Variants in DMD observed in about 807,000 individuals in gnomAD.
DMD encodes the protein mutant dystrophin.
A neutral mutation model predicts 330.1 loss-of-function variants in DMD; 63 were observed. The observed-to-expected ratio is 0.19, with a 90% confidence interval of 0.16 to 0.24. The LOEUF is 0.24. Ranked by LOEUF, DMD falls within the 10% of genes least tolerant of loss-of-function variation. The pLI is 1.00. For synonymous variants in DMD, 1,223 were observed against 959.8 expected (o/e 1.27, Z -5.07); for missense variants, 3,344 against 2,684.1 (o/e 1.25, Z -5.43).
intron 1 of DMD, among the ~76,000 whole-genome samples, chrX:33,313,343 C>G (rs1456741921): frequency 1.8e-5 from 2 of 111,656 alleles, no homozygotes; most frequent in African/African-American, 6.5e-5. Flanking sequence ...GTACAGAAAA[C>G]TAAATTACAG....
chrX:31,447,728 G>A (rs1217412238), intron 59 of DMD, among the ~76,000 whole-genome samples: 1 of 111,071 alleles, frequency 9.0e-6, no homozygotes, highest in Non-Finnish European at 1.9e-5. Flanking sequence ...ACCAGGTGGG[G>A]TGGCTCAAGA....
At chrX:31,537,769 C>T (rs2073511862) in intron 55 of DMD, among the ~76,000 whole-genome samples, 1 of 111,636 alleles carries the variant, frequency 9.0e-6, no homozygotes. Context: ...GTAAGGCTTC[C>T]TTGGGAAAGC....
chrX:31,981,821 C>T (rs2095477777), intron 44 of DMD, among the ~76,000 whole-genome samples: 1 of 111,885 alleles, frequency 8.9e-6, no homozygotes, highest in Non-Finnish European at 1.9e-5. Flanking sequence ...AAATCTCTGG[C>T]CCTGGACCAA....
At chrX:32,913,271 T>C (rs2087463390) in intron 2 of DMD, among the ~76,000 whole-genome samples, 1 of 112,285 alleles carries the variant, frequency 8.9e-6, no homozygotes, top group African/African-American at 3.2e-5. Context: ...CGAAGGGCTC[T>C]ATTATAGTTA....
chrX:32,025,994 G>C (rs1302815834), intron 44 of DMD, among the ~76,000 whole-genome samples: 1 of 112,111 alleles, frequency 8.9e-6, no homozygotes, highest in African/African-American at 3.2e-5. Context: ...TGAATGAAGT[G>C]TATAATTTCT....
intron 4 of DMD, among the ~76,000 whole-genome samples, chrX:32,823,641 A>G (rs112964704): frequency 5.4e-5 from 6 of 112,055 alleles, no homozygotes; most frequent in African/African-American, 1.9e-4. Flanking sequence ...CAACTGGAGT[A>G]TCTCCAAATA....
At chrX:32,677,079 AC>A (rs1448407276) in intron 9 of DMD, among the ~76,000 whole-genome samples, 1 of 111,465 alleles carries the variant, frequency 9.0e-6, no homozygotes, top group Non-Finnish European at 1.9e-5. Flanking sequence ...AATTTCACTG[AC>A]AAATGAAAAT....
chrX:32,287,331 C>G (rs2097446297), intron 43 of DMD, among the ~76,000 whole-genome samples, 198 bp downstream of exon 43: 1 of 111,718 alleles, frequency 9.0e-6, no homozygotes, highest in African/African-American at 3.3e-5. Context: ...AAATTTAATA[C>G]TGAATAATTT....
intron 44 of DMD, among the ~76,000 whole-genome samples, chrX:32,176,431 T>C (rs1160264121): frequency 1.8e-5 from 2 of 111,931 alleles, no homozygotes; most frequent in African/African-American, 3.2e-5. Flanking sequence ...GTGTTAAGCA[T>C]GAACCTAAAT....
At chrX:31,965,426 ATT>A (rs2150170944) in intron 45 of DMD, among the ~76,000 whole-genome samples, 1 of 111,879 alleles carries the variant, frequency 8.9e-6, no homozygotes, top group Non-Finnish European at 1.9e-5. Flanking sequence ...CATAAATGAT[ATT>A]TTGATATATT....
rs147650167 is a variant in DMD, at chrX:32,979,897, G to A, written c.93+40242C>T. Among the ~76,000 whole-genome samples the A allele has an allele frequency of 4.9e-3, 541 of 111,267 alleles. 7 individuals are homozygous for A. The East Asian group carries it at 0.055, about 11-fold the overall frequency. On this transcript the variant is annotated intron_variant, in intron 2 of 78. Coordinates refer to ENST00000357033, the MANE Select transcript of DMD (RefSeq NM_004006.3). ...ATTTTAAAAGAAAATCAGTATCACC[G>A]TAATTTAGGGAGGGAGGTTGGAGAG...
chrX:31,655,502 G>A (rs73617094), intron 54 of DMD, among the ~76,000 whole-genome samples: 2,139 of 111,151 alleles, frequency 0.019, 61 homozygotes, highest in African/African-American at 0.066. Flanking sequence ...AGAAGAACAA[G>A]AATTTTGGGG....
intron 45 of DMD, among the ~76,000 whole-genome samples, chrX:31,941,174 A>T (rs2094994839): frequency 8.9e-6 from 1 of 111,829 alleles, no homozygotes; most frequent in African/African-American, 3.3e-5. Context: ...CATCTGTCAG[A>T]GGCAGAGTTA....
chrX:32,609,371 G>C (rs1490727189), intron 12 of DMD, among the ~76,000 whole-genome samples: 50 of 110,844 alleles, frequency 4.5e-4, no homozygotes, highest in Non-Finnish European at 1.9e-5. Flanking sequence ...GTTACTCATA[G>C]AACTACTACT....
intron 59 of DMD, among the ~76,000 whole-genome samples, chrX:31,476,308 ATATC>A (rs2067736649): frequency 9.5e-6 from 1 of 105,252 alleles, no homozygotes; most frequent in African/African-American, 3.4e-5. Flanking sequence ...AGATATATCT[ATATC>A]TATATCTATG....
chrX:32,762,499 A>G, intron 7 of DMD, among the ~76,000 whole-genome samples: 1 of 111,551 alleles, frequency 9.0e-6, no homozygotes, highest in East Asian at 2.8e-4. Flanking sequence ...TCAGATAATG[A>G]TGATGATTTT....
intron 1 of DMD, among the ~76,000 whole-genome samples, chrX:33,072,927 T>A (rs764516009): frequency 8.9e-6 from 1 of 112,059 alleles, no homozygotes; most frequent in African/African-American, 3.2e-5. Flanking sequence ...AACTACTATT[T>A]AATTATCTGT....
intron 44 of DMD, among the ~76,000 whole-genome samples, chrX:32,085,481 C>CT (rs1448647365): frequency 8.3e-5 from 9 of 107,955 alleles, no homozygotes; most frequent in African/African-American, 3.0e-4. Context: ...ACTACACACT[C>CT]TATGTCCATG....
intron 44 of DMD, among the ~76,000 whole-genome samples, chrX:32,081,715 G>A (rs143589620): frequency 0.036 from 3,951 of 110,849 alleles, 65 homozygotes; most frequent in South Asian, 0.11. Flanking sequence ...TTAGCCAGGC[G>A]TGGTAGTACT....
Sources: allele counts gnomAD v4.1 joint callset (sites outside exome capture counted in the v4.1 genomes callset), GRCh38; gene constraint gnomAD v4.1.1; transcripts MANE v1.5; gene names NCBI Gene and HGNC (gene_info 2026-07-23, HGNC 2026-07-21).